DIAPH3: variants seen among roughly 807,000 people sequenced by gnomAD.
DIAPH3 encodes the protein diaphanous related formin 3.
DIAPH3 carries 117 observed loss-of-function variants against 144.3 expected under a neutral mutation model. That is an observed-to-expected ratio of 0.81 (90% CI 0.70 to 0.95). The LOEUF (loss-of-function observed/expected upper bound fraction) is 0.95, where lower values mean the gene tolerates loss of function less well. Among genes scored for constraint, DIAPH3 ranks in the 40% least tolerant of loss-of-function variants. The pLI, the probability that DIAPH3 is intolerant of heterozygous loss-of-function variation, is 0.00. For synonymous variants in DIAPH3, 519 were observed against 488.9 expected (o/e 1.06, Z -0.81); for missense variants, 1,421 against 1,412.7 (o/e 1.01, Z -0.09).
chr13:60,052,841 G>A lies in DIAPH3; in HGVS notation c.496-10021C>T, dbSNP rs1195687496. 4.0e-5 allele frequency among the ~76,000 whole-genome samples: 6 copies of A among 150,538 alleles called. No individual in the cohort carries two copies. The East Asian group carries it at 1.2e-3, about 29-fold the overall frequency. Reference sequence around the variant, plus strand: ...CCAGGTTTGGTAGGATCCATCTGTAGTCCCAGCTACTTGGGAGGCTGAGGC... The same window carrying A: ...CCAGGTTTGGTAGGATCCATCTGTAATCCCAGCTACTTGGGAGGCTGAGGC... On this transcript the variant is annotated intron_variant, in intron 4 of 27. Transcript: ENST00000400324.
At chr13:59,963,840 G>A (rs1039464916) in intron 17 of DIAPH3, among the ~76,000 whole-genome samples, 1 of 152,180 alleles carries the variant, frequency 6.6e-6, no homozygotes, top group South Asian at 2.1e-4. Context: ...TTAGAGGCAT[G>A]AGCCATTGTG....
intron 20 of DIAPH3, among the ~76,000 whole-genome samples, chr13:59,903,029 C>G (rs965765650): frequency 8.5e-5 from 13 of 152,122 alleles, no homozygotes; most frequent in African/African-American, 2.9e-4. Context: ...TGGAACTTCT[C>G]TTTTCCAGGA....
At position 59,708,304 on chromosome 13, in the gene DIAPH3, C is replaced by T. The variant is rs150795259; in HGVS notation, c.3320-41458G>A. On this transcript the variant is annotated intron_variant, in intron 27 of 27. Transcript: ENST00000400324. ...AGTCTTGAACCTCCAGCCTCATCCT[C>T]TCTTTCCTTTTATAGCAAACTCCCT... Among the ~76,000 whole-genome samples the T allele has an allele frequency of 3.3e-3, 499 of 152,266 alleles. 2 individuals are homozygous for T. The highest frequency in any genetic ancestry group is 0.031 in the South Asian group (150 of 4,828).
intron 1 of DIAPH3, among the ~76,000 whole-genome samples, chr13:60,149,275 TGAA>T (rs1327228143): frequency 6.6e-6 from 1 of 152,034 alleles, no homozygotes; most frequent in African/African-American, 2.4e-5. Flanking sequence ...GGAGAAACAA[TGAA>T]GAATGGTCGC....
intron 17 of DIAPH3, among the ~76,000 whole-genome samples, chr13:59,954,154 AT>A (rs2049251936): frequency 6.6e-6 from 1 of 152,208 alleles, no homozygotes; most frequent in African/African-American, 2.4e-5. Flanking sequence ...AACAAAAGTT[AT>A]GAAGTCAAAA....
intron 18 of DIAPH3, among the ~76,000 whole-genome samples, chr13:59,917,026 T>C (rs2140264384): frequency 6.6e-6 from 1 of 152,318 alleles, no homozygotes; most frequent in East Asian, 1.9e-4. Context: ...ATTGTACTAT[T>C]ATGTTTTTAC....
chr13:59,835,210 T>C (rs1161753306), intron 23 of DIAPH3, among the ~76,000 whole-genome samples: 2 of 151,778 alleles, frequency 1.3e-5, no homozygotes, highest in East Asian at 1.9e-4. Flanking sequence ...AGCCATTCAG[T>C]AAGTATTATC....
chr13:60,105,994 A>C (rs1006788379), intron 3 of DIAPH3, among the ~76,000 whole-genome samples: 2 of 152,300 alleles, frequency 1.3e-5, no homozygotes, highest in Admixed American at 1.3e-4. Context: ...CAAGAATTAA[A>C]GAGAATAAAG....
intron 27 of DIAPH3, among the ~76,000 whole-genome samples, chr13:59,720,071 T>C (rs879784650): frequency 6.6e-6 from 1 of 152,154 alleles, no homozygotes; most frequent in Non-Finnish European, 1.5e-5. Context: ...CATGGGAACA[T>C]TATAGACTAT....
intron 23 of DIAPH3, among the ~76,000 whole-genome samples, chr13:59,835,715 C>T (rs559661886): frequency 1.3e-5 from 2 of 151,796 alleles, no homozygotes; most frequent in South Asian, 4.1e-4. Context: ...CACCCAATTG[C>T]CCCACTTCCC....
intron 2 of DIAPH3, among the ~76,000 whole-genome samples, chr13:60,129,130 A>C (rs951370914): frequency 1.3e-5 from 2 of 152,148 alleles, no homozygotes; most frequent in Non-Finnish European, 2.9e-5. Context: ...CCTATACTCC[A>C]AAAACACTCA....
At chr13:60,042,869 C>T (rs1454023898) in intron 4 of DIAPH3, 49 bp from the exon 5 acceptor site, 1 of 1,597,874 alleles carries the variant, frequency 6.3e-7, no homozygotes, top group African/African-American at 1.3e-5. Context: ...ATGGAGATTA[C>T]CCATTAAAAA....
Position 59,675,655 on chromosome 13 carries a change from A to G in DIAPH3, c.3320-8809T>C, listed in dbSNP as rs2032610353. 4.6e-5 allele frequency among the ~76,000 whole-genome samples: 7 copies of G among 152,256 alleles called. No homozygotes were observed. The South Asian group carries it at 1.5e-3, about 32-fold the overall frequency. On this transcript the variant is annotated intron_variant, in intron 27 of 27. Transcript: ENST00000400324. ...CGCCTTGGTCTATTTTAAAATTTTT[A>G]CAACAATCCCAAAGTGCAGGTATCA...
intron 17 of DIAPH3, among the ~76,000 whole-genome samples, chr13:59,951,797 T>C (rs192856670): frequency 1.3e-5 from 2 of 152,280 alleles, no homozygotes; most frequent in Non-Finnish European, 1.5e-5. Flanking sequence ...AAATTACAAC[T>C]CTTATACATT....
intron 4 of DIAPH3, among the ~76,000 whole-genome samples, chr13:60,084,802 T>A (rs1276253530): frequency 1.3e-5 from 2 of 152,056 alleles, no homozygotes; most frequent in Non-Finnish European, 2.9e-5. Flanking sequence ...ATATTGATAG[T>A]AAGAGGCTAT....
At chr13:59,838,981 C>A (rs992247588) in intron 23 of DIAPH3, 15 of 240,902 alleles carry the variant, frequency 6.2e-5, no homozygotes, top group Non-Finnish European at 1.0e-4. Context: ...CATGGTGGTG[C>A]GTGCCTGTAG....
chr13:59,742,496 A>G (rs2036506438), intron 27 of DIAPH3, among the ~76,000 whole-genome samples: 1 of 152,096 alleles, frequency 6.6e-6, no homozygotes, highest in Non-Finnish European at 1.5e-5. Flanking sequence ...CTTACCTTAG[A>G]TCAATCCACA....
At chr13:59,710,610 G>A (rs1221087156) in intron 27 of DIAPH3, among the ~76,000 whole-genome samples, 2 of 152,206 alleles carry the variant, frequency 1.3e-5, no homozygotes, top group Non-Finnish European at 2.9e-5. Flanking sequence ...GTGAGCCTGG[G>A]AAAATCTGAG....
At chr13:59,864,332 C>T (rs757704386) in intron 21 of DIAPH3, among the ~76,000 whole-genome samples, 16 of 152,016 alleles carry the variant, frequency 1.1e-4, no homozygotes, top group Non-Finnish European at 1.9e-4. Context: ...TGTTAAAAAG[C>T]ACCCTAGTAG....
Sources: allele counts gnomAD v4.1 joint callset (sites outside exome capture counted in the v4.1 genomes callset), GRCh38; gene constraint gnomAD v4.1.1; transcripts MANE v1.5; gene names NCBI Gene and HGNC (gene_info 2026-07-23, HGNC 2026-07-21).